The following SEMA3E variants were observed in gnomAD, a reference collection of about 807,000 sequenced individuals.
The protein encoded by SEMA3E is semaphorin-3E.
A neutral mutation model predicts 93.6 loss-of-function variants in SEMA3E; 49 were observed. That is an observed-to-expected ratio of 0.52 (90% CI 0.42 to 0.66). The LOEUF is 0.66. Ranked by LOEUF, SEMA3E falls within the 30% of genes least tolerant of loss-of-function variation. The pLI is 0.00. For synonymous variants in SEMA3E, 363 were observed against 330.7 expected, an observed-to-expected ratio of 1.10 and a Z score of -1.06; for missense variants, 906 against 964.8, an observed-to-expected ratio of 0.94 and a Z score of 0.81.
intron 4 of SEMA3E, among the ~76,000 whole-genome samples, chr7:83,420,681 C>T (rs1788655035): frequency 6.6e-6 from 1 of 152,076 alleles, no homozygotes; most frequent in African/African-American, 2.4e-5. Context: ...ATATCTACAG[C>T]CATCTGATCT....
intron 14 of SEMA3E, among the ~76,000 whole-genome samples, chr7:83,390,016 CGTATATGT>C (rs1445888837): frequency 1.7e-4 from 19 of 112,074 alleles, no homozygotes; most frequent in South Asian, 1.2e-3. Flanking sequence ...CATATATACG[CGTATATGT>C]GTATACGTAT....
intron 4 of SEMA3E, among the ~76,000 whole-genome samples, chr7:83,418,706 G>A (rs1405131858): frequency 6.6e-6 from 1 of 152,074 alleles, no homozygotes; most frequent in Non-Finnish European, 1.5e-5. Context: ...GTATGCAGGT[G>A]ATGAAAGAAA....
At chr7:83,387,274 A>G (rs1208617212) in intron 14 of SEMA3E, among the ~76,000 whole-genome samples, 2 of 152,130 alleles carry the variant, frequency 1.3e-5, no homozygotes, top group African/African-American at 4.8e-5. Flanking sequence ...CATAATGTTG[A>G]ATTCTGGAAA....
chr7:83,608,185 C>A (rs1156923157), intron 1 of SEMA3E, among the ~76,000 whole-genome samples: 1 of 151,770 alleles, frequency 6.6e-6, no homozygotes, highest in Non-Finnish European at 1.5e-5. Context: ...TGCACTTCAG[C>A]CTGGGTGACA....
rs935022825 is a variant in SEMA3E at position 83,488,884 on chromosome 7, C to T, written c.276+1230G>A. Among the ~76,000 whole-genome samples the T allele has an allele frequency of 2.3e-4, 35 of 151,172 alleles. 1 individual carries two copies. Among genetic ancestry groups the T allele is most frequent in the Admixed American group, 7.3e-4 (11 of 15,142 alleles). On this transcript the variant is annotated intron_variant, in intron 2 of 16. Coordinates refer to ENST00000643230, the MANE Select transcript of SEMA3E (RefSeq NM_012431.3). ...ATAAAAACTTTTGTAGAGAGGCTGG[C>T]GAAAAATTAGTGAAACTAATACAAA...
intron 4 of SEMA3E, among the ~76,000 whole-genome samples, chr7:83,442,963 T>C (rs1789148880): frequency 6.6e-6 from 1 of 152,146 alleles, no homozygotes. Context: ...GTCGATGAAG[T>C]AGTCCAAGTT....
At chr7:83,432,659 T>C (rs987803532) in intron 4 of SEMA3E, among the ~76,000 whole-genome samples, 7 of 152,180 alleles carry the variant, frequency 4.6e-5, no homozygotes, top group South Asian at 2.1e-4. Flanking sequence ...GGCAATCATA[T>C]ATGCTTTTTC....
intron 1 of SEMA3E, among the ~76,000 whole-genome samples, chr7:83,628,474 C>T (rs1198875443): frequency 6.6e-6 from 1 of 151,896 alleles, no homozygotes; most frequent in African/African-American, 2.4e-5. Context: ...TTCTTGGAGG[C>T]TTTTTTCATT....
At chr7:83,479,380 ATCTTG>A (rs1562800306) in intron 2 of SEMA3E, among the ~76,000 whole-genome samples, 1 of 152,090 alleles carries the variant, frequency 6.6e-6, no homozygotes, top group Non-Finnish European at 1.5e-5. Flanking sequence ...ATATCTATCT[ATCTTG>A]TCTACTGTAT....
chr7:83,462,045 C>G (rs1443074505), intron 4 of SEMA3E: 1 of 152,264 alleles, frequency 6.6e-6, no homozygotes, highest in Non-Finnish European at 1.5e-5. Context: ...CTGTTCAACT[C>G]ACGTGGCAGC....
intron 1 of SEMA3E, among the ~76,000 whole-genome samples, chr7:83,513,843 A>G (rs1328883097): frequency 1.3e-5 from 2 of 152,178 alleles, no homozygotes; most frequent in Admixed American, 6.5e-5. Context: ...GGCTTTTAAT[A>G]TAAATGTACC....
intron 16 of SEMA3E, among the ~76,000 whole-genome samples, chr7:83,381,690 C>G (rs1787781925): frequency 6.6e-6 from 1 of 151,858 alleles, no homozygotes; most frequent in African/African-American, 2.4e-5. Context: ...ATGAATAAAA[C>G]ATTTCTTTTA....
chr7:83,398,184 T>G (rs1788162666), intron 11 of SEMA3E, among the ~76,000 whole-genome samples: 1 of 152,168 alleles, frequency 6.6e-6, no homozygotes, highest in African/African-American at 2.4e-5. Context: ...GCAGCACAAA[T>G]ATATGCTTGA....
At position 83,466,494 on chromosome 7, in the gene SEMA3E, T is replaced by G; in HGVS notation, c.444A>C (p.Gly148=). The G allele has an allele frequency of 6.2e-7, 1 of 1,614,006 alleles. No homozygotes were observed. Among genetic ancestry groups the G allele is most frequent in the Non-Finnish European group, 8.5e-7 (1 of 1,179,974 alleles). ...TGAAACATCTTACCTCCAAATGATA[T>G]CCAACTCTGATGAAGGCACAAACTG... The part of the protein sequence containing the change: ...FDPVCAFIRV[G]YHLEDPLFHL... Residue 148 remains glycine, a synonymous_variant, in exon 4 of 17, where the codon GGA becomes GGC. Coordinates refer to ENST00000643230, the MANE Select transcript of SEMA3E (RefSeq NM_012431.3).
intron 16 of SEMA3E, among the ~76,000 whole-genome samples, chr7:83,375,570 T>C (rs1794808956): frequency 6.6e-6 from 1 of 152,100 alleles, no homozygotes; most frequent in Admixed American, 6.6e-5. Flanking sequence ...ATATAAATTA[T>C]AATTTATACT....
intron 1 of SEMA3E, among the ~76,000 whole-genome samples, chr7:83,616,945 G>A (rs1304599293): frequency 1.3e-5 from 2 of 151,910 alleles, no homozygotes; most frequent in Non-Finnish European, 2.9e-5. Flanking sequence ...GGCTGGTCTC[G>A]AACTCCTGAA....
intron 1 of SEMA3E, among the ~76,000 whole-genome samples, chr7:83,524,710 CTCTT>C (rs755180265): frequency 3.3e-5 from 5 of 152,226 alleles, no homozygotes; most frequent in Middle Eastern, 6.8e-3. Context: ...CTTTCTGTCT[CTCTT>C]TTTAAAATCT....
chr7:83,467,953 A>G (rs1047488211), intron 3 of SEMA3E, among the ~76,000 whole-genome samples: 2 of 152,244 alleles, frequency 1.3e-5, no homozygotes, highest in African/African-American at 4.8e-5. Flanking sequence ...AATTTTAGCA[A>G]GCATTCTTTT....
At chr7:83,372,632 C>T (rs1002927785) in intron 16 of SEMA3E, 4 of 180,270 alleles carry the variant, frequency 2.2e-5, no homozygotes, top group Admixed American at 1.2e-4. Context: ...ATACAAGATA[C>T]GGAATCATGA....
Sources: gnomAD v4.1 joint callset for allele counts (sites outside exome capture counted in the v4.1 genomes callset) on GRCh38, gnomAD v4.1.1 for gene constraint, MANE v1.5 for transcripts, NCBI Gene and HGNC (gene_info 2026-07-23, HGNC 2026-07-21) for gene names.